IMMP1L: variants seen among roughly 807,000 people sequenced by gnomAD.
IMMP1L encodes the protein inner mitochondrial membrane peptidase subunit 1.
Under a neutral mutation model 21.8 loss-of-function variants are expected in IMMP1L, and 24 were observed. The observed-to-expected ratio is 1.10, with a 90% CI of 0.80 to 1.55. The LOEUF (loss-of-function observed/expected upper bound fraction) is 1.55, where lower values mean the gene tolerates loss of function less well. IMMP1L is among the 40% of genes most tolerant of loss of function. The pLI, the probability that IMMP1L is intolerant of heterozygous loss-of-function variation, is 0.00. For synonymous variants in IMMP1L, 46 were observed against 62.8 expected, an observed-to-expected ratio of 0.73 and a Z score of 1.26; for missense variants, 195 against 200.7, an observed-to-expected ratio of 0.97 and a Z score of 0.17.
intron 4 of IMMP1L, 180 bp from the exon 5 acceptor site, chr11:31,433,750 T>A: frequency 2.3e-6 from 1 of 437,250 alleles, no homozygotes; most frequent in Non-Finnish European, 4.0e-6. Context: ...TTACTAAATA[T>A]CAAAGGTTTC....
intron 1 of IMMP1L, among the ~76,000 whole-genome samples, chr11:31,481,774 G>C (rs961627): frequency 6.6e-6 from 1 of 151,570 alleles, no homozygotes; most frequent in South Asian, 2.1e-4. Context: ...CAAATAGCTA[G>C]CATTTTATTT....
intron 1 of IMMP1L, among the ~76,000 whole-genome samples, chr11:31,495,673 C>G (rs1955407646): frequency 1.3e-5 from 2 of 152,108 alleles, no homozygotes; most frequent in Admixed American, 1.3e-4. Context: ...AATGACAGAT[C>G]TATAGACCAA....
At chr11:31,450,702 G>A (rs976827289) in intron 4 of IMMP1L, among the ~76,000 whole-genome samples, 9 of 152,156 alleles carry the variant, frequency 5.9e-5, no homozygotes, top group African/African-American at 1.2e-4. Context: ...GTTCAGCAGC[G>A]TGGTAGGCTC....
chr11:31,499,096 T>C (rs781481023), intron 1 of IMMP1L, among the ~76,000 whole-genome samples: 5 of 152,100 alleles, frequency 3.3e-5, no homozygotes, highest in Non-Finnish European at 7.4e-5. Flanking sequence ...CCGGGCGAGG[T>C]GGCTTACACT....
intron 1 of IMMP1L, among the ~76,000 whole-genome samples, chr11:31,467,989 A>G (rs1456197557): frequency 6.6e-6 from 1 of 152,134 alleles, no homozygotes; most frequent in Non-Finnish European, 1.5e-5. Flanking sequence ...AAACACATCC[A>G]TATTGCAGAC....
intron 1 of IMMP1L, among the ~76,000 whole-genome samples, chr11:31,473,180 A>G (rs1954624234): frequency 6.6e-6 from 1 of 151,924 alleles, no homozygotes; most frequent in South Asian, 2.1e-4. Flanking sequence ...CTCCTAAGTA[A>G]CTGGGACTAC....
chr11:31,488,477 A>G (rs928381031), intron 1 of IMMP1L, among the ~76,000 whole-genome samples: 1 of 152,192 alleles, frequency 6.6e-6, no homozygotes, highest in Non-Finnish European at 1.5e-5. Flanking sequence ...AGAAAGTAAT[A>G]GCTAATAGAT....
At chr11:31,451,513 G>C (rs796641296) in intron 4 of IMMP1L, among the ~76,000 whole-genome samples, 1 of 152,218 alleles carries the variant, frequency 6.6e-6, no homozygotes, top group African/African-American at 2.4e-5. Context: ...AAAGAGGAGA[G>C]TAAGGATAAC....
At chr11:31,470,650 GT>G (rs1258712173) in intron 1 of IMMP1L, among the ~76,000 whole-genome samples, 1 of 152,158 alleles carries the variant, frequency 6.6e-6, no homozygotes, top group Non-Finnish European at 1.5e-5. Context: ...AAGGAAATCA[GT>G]ATGTTGAAGA....
intron 2 of IMMP1L, among the ~76,000 whole-genome samples, chr11:31,461,684 C>T (rs1160182273): frequency 6.6e-6 from 1 of 152,076 alleles, no homozygotes; most frequent in African/African-American, 2.4e-5. Context: ...ATATAAGGTA[C>T]ATATGAAATA....
intron 1 of IMMP1L, among the ~76,000 whole-genome samples, chr11:31,464,901 T>C (rs1954278485): frequency 6.6e-6 from 1 of 152,112 alleles, no homozygotes; most frequent in Non-Finnish European, 1.5e-5. Flanking sequence ...ATGCCCACCT[T>C]CACCACTCTT....
intron 1 of IMMP1L, among the ~76,000 whole-genome samples, chr11:31,502,066 T>C (rs1787259134): frequency 1.3e-5 from 2 of 152,120 alleles, no homozygotes; most frequent in African/African-American, 4.8e-5. Flanking sequence ...ATAGATATTT[T>C]TAAAGTCCTT....
intron 1 of IMMP1L, among the ~76,000 whole-genome samples, chr11:31,484,319 T>C (rs903592381): frequency 3.4e-4 from 52 of 152,038 alleles, no homozygotes; most frequent in African/African-American, 1.2e-3. Flanking sequence ...TAAGCAAATA[T>C]GAATATATGG....
chr11:31,493,425 T>C (rs1052890378), intron 1 of IMMP1L, among the ~76,000 whole-genome samples: 10 of 148,254 alleles, frequency 6.7e-5, no homozygotes, highest in Admixed American at 6.0e-4. Context: ...ACCCCCGCCA[T>C]GATTCAGTTA....
intron 1 of IMMP1L, among the ~76,000 whole-genome samples, chr11:31,478,470 C>T (rs1213183847): frequency 6.6e-6 from 1 of 152,012 alleles, no homozygotes; most frequent in Non-Finnish European, 1.5e-5. Flanking sequence ...TGACTGTGTA[C>T]ATAATAAAAT....
At chr11:31,492,343 T>C (rs989626084) in intron 1 of IMMP1L, among the ~76,000 whole-genome samples, 19 of 152,308 alleles carry the variant, frequency 1.2e-4, no homozygotes, top group South Asian at 4.1e-4. Context: ...TCAGCCTTCA[T>C]AGAATTGAAA....
chr11:31,491,270 G>C (rs1955245937), intron 1 of IMMP1L, among the ~76,000 whole-genome samples: 1 of 152,134 alleles, frequency 6.6e-6, no homozygotes, highest in Non-Finnish European at 1.5e-5. Context: ...TCTGCTAATG[G>C]CTCAGAAGGA....
At chr11:31,453,563 A>C (rs1953835167) in intron 4 of IMMP1L, among the ~76,000 whole-genome samples, 2 of 152,206 alleles carry the variant, frequency 1.3e-5, no homozygotes, top group African/African-American at 4.8e-5. Context: ...GACACACGAG[A>C]GGGGTAGACC....
chr11:31,457,231 A>G (rs913841268), intron 3 of IMMP1L, among the ~76,000 whole-genome samples: 1 of 152,138 alleles, frequency 6.6e-6, no homozygotes, highest in Non-Finnish European at 1.5e-5. Context: ...ATAAAATGAG[A>G]TATCAAACAT....
Sources: gnomAD v4.1 joint callset for allele counts (sites outside exome capture counted in the v4.1 genomes callset) on GRCh38, gnomAD v4.1.1 for gene constraint, MANE v1.5 for transcripts, NCBI Gene and HGNC (gene_info 2026-07-23, HGNC 2026-07-21) for gene names.